UGGT2: variants seen among roughly 807,000 people sequenced by gnomAD.
The protein encoded by UGGT2 is UDP-glucose glycoprotein glucosyltransferase 2, also known as UDP-glucose:glycoprotein glucosyltransferase 2.
A neutral mutation model predicts 192.1 loss-of-function variants in UGGT2; 180 were observed. The ratio of observed to expected loss-of-function variants is 0.94; its 90% confidence interval spans 0.83 to 1.06. The LOEUF (loss-of-function observed/expected upper bound fraction) is 1.06. UGGT2 is among the 50% of genes least tolerant of loss of function. The probability of loss-of-function intolerance (pLI) is 0.00; values close to 1 mark genes in which losing one functional copy is unlikely to be tolerated. For synonymous variants in UGGT2, 580 were observed against 591.0 expected (o/e 0.98, Z 0.27); for missense variants, 1,849 against 1,795.7 (o/e 1.03, Z -0.54).
chr13:95,862,081 T>C (rs1044110217), intron 31 of UGGT2, among the ~76,000 whole-genome samples: 1 of 152,188 alleles, frequency 6.6e-6, no homozygotes, highest in African/African-American at 2.4e-5. Flanking sequence ...TTCTATTTCA[T>C]TATCCCCTGT....
intron 5 of UGGT2, among the ~76,000 whole-genome samples, chr13:96,000,825 AG>A (rs1252080523): frequency 6.6e-6 from 1 of 152,012 alleles, no homozygotes; most frequent in Non-Finnish European, 1.5e-5. Flanking sequence ...AGTTTTAGTA[AG>A]TTTGGATTTG....
At chr13:95,867,810 AAGG>A (rs1566612041) in intron 29 of UGGT2, among the ~76,000 whole-genome samples, 1 of 152,164 alleles carries the variant, frequency 6.6e-6, no homozygotes, top group Admixed American at 6.6e-5. Flanking sequence ...TTATATTTCA[AAGG>A]AGTTCTACAC....
At chr13:95,867,922 T>G (rs1431686332) in intron 29 of UGGT2, among the ~76,000 whole-genome samples, 2 of 152,206 alleles carry the variant, frequency 1.3e-5, no homozygotes, top group Non-Finnish European at 2.9e-5. Context: ...GATGTCCATC[T>G]GCATCACCTG....
intron 3 of UGGT2, among the ~76,000 whole-genome samples, chr13:96,023,393 CTTCAT>C (rs2052571400): frequency 1.3e-5 from 2 of 152,074 alleles, no homozygotes; most frequent in East Asian, 1.9e-4. Context: ...TTTTATGATA[CTTCAT>C]TTCAATTATT....
In UGGT2 at chr13:95,890,744, C is replaced by T; in HGVS notation, c.2958+118G>A. ...TTTCATTTTCTACATTGAAATATGA[C>T]ACTCTATTAAAATGGTGAAGGATCA... On this transcript the variant is annotated intron_variant, in intron 25 of 38. Transcript: ENST00000376747. The T allele has an allele frequency of 6.7e-6, 5 of 750,352 alleles. 1 individual carries two copies. Among genetic ancestry groups the T allele is most frequent in the Admixed American group, 5.3e-5 (2 of 37,748 alleles). The allele number at this position is 750,352 out of a possible 1,614,324, so 46.5% of individuals were successfully genotyped here. A position where few individuals can be genotyped will look rare whatever the true frequency, so the allele number is the denominator to read the frequency against.
chr13:95,878,926 T>C (rs2047417174), intron 27 of UGGT2, among the ~76,000 whole-genome samples: 1 of 152,192 alleles, frequency 6.6e-6, no homozygotes, highest in Non-Finnish European at 1.5e-5. Flanking sequence ...AAAACTTTAG[T>C]TGAATTCTGA....
In UGGT2 at chr13:96,023,681, T is replaced by C. The variant is rs768317652; in HGVS notation, c.320A>G (p.Lys107Arg). 4 of 1,612,152 alleles carry C rather than the reference T, an allele frequency of 2.5e-6. No individual in the cohort carries two copies. The East Asian group carries it at 8.9e-5, about 36-fold the overall frequency. ...GTATGCCCTTATAGAGAAAGCAAAC[T>C]TTAAAAGGTTGATGTGTAAATTGTC... ...FLDNLHINLL[K>R]FAFSIRAYSP... Residue 107 changes from lysine to arginine, a missense_variant, in exon 3 of 39, where the codon AAG (lysine) becomes AGG (arginine). Transcript: ENST00000376747.
chr13:95,930,916 C>T (rs987583268), intron 17 of UGGT2, among the ~76,000 whole-genome samples: 4 of 152,090 alleles, frequency 2.6e-5, no homozygotes, highest in Admixed American at 6.6e-5. Context: ...AAAGGCAGCA[C>T]GGACCCAAAG....
At chr13:95,824,585 C>T (rs948494375) in intron 38 of UGGT2, among the ~76,000 whole-genome samples, 3 of 152,024 alleles carry the variant, frequency 2.0e-5, no homozygotes, top group Non-Finnish European at 4.4e-5. Context: ...ATTGTTGAAC[C>T]TTTCCATGGC....
chr13:95,913,584 A>C (rs1336054081), intron 20 of UGGT2, among the ~76,000 whole-genome samples: 1 of 152,220 alleles, frequency 6.6e-6, no homozygotes, highest in African/African-American at 2.4e-5. Flanking sequence ...AAGTCAGGAA[A>C]CAACAGATGC....
intron 2 of UGGT2, among the ~76,000 whole-genome samples, chr13:96,024,762 T>C (rs1449779338): frequency 2.0e-5 from 3 of 152,180 alleles, no homozygotes; most frequent in African/African-American, 7.2e-5. Context: ...GAAGAGCAGT[T>C]CCCTGTGGAT....
chr13:95,874,735 A>G (rs952603092), intron 29 of UGGT2, among the ~76,000 whole-genome samples: 1 of 149,932 alleles, frequency 6.7e-6, no homozygotes. Context: ...TCTGTTGCCC[A>G]GCCTGGAGTG....
intron 12 of UGGT2, among the ~76,000 whole-genome samples, chr13:95,953,387 C>G (rs1478360439): frequency 6.6e-6 from 1 of 152,188 alleles, no homozygotes; most frequent in African/African-American, 2.4e-5. Flanking sequence ...AGGGGACAGT[C>G]AGAACCTGCA....
rs188280182 is a variant in UGGT2 at position 95,846,101 on chromosome 13, C to T, written c.4284+7442G>A. The stretch of plus-strand genomic sequence containing the variant: ...CTGGGAGGTGGAGGTTGTAGGGAGC[C>T]GAGATCACGCCACTGCACTCCAGCC... On this transcript the variant is annotated intron_variant, in intron 36 of 38. Coordinates refer to ENST00000376747, the MANE Select transcript of UGGT2 (RefSeq NM_020121.4). Among the ~76,000 whole-genome samples, 1,183 of 152,254 alleles carry T rather than the reference C, an allele frequency of 7.8e-3. 7 individuals are homozygous for T. The highest frequency in any genetic ancestry group is 0.024 in the South Asian group (116 of 4,824).
rs966202573 is a variant in UGGT2 at position 95,936,909 on chromosome 13, T to C, written c.1977+15A>G. The C allele has an allele frequency of 1.7e-5, 26 of 1,498,526 alleles. No homozygotes were observed. The highest frequency in any genetic ancestry group is 2.3e-5 in the Non-Finnish European group (26 of 1,126,240). 92.8% of individuals were successfully genotyped at this position (1,498,526 alleles called of 1,614,324 possible). ...TAAATATTCATCATGTATTTTCTTA[T>C]AAATGCTTACCTACCAAAAAAACTT... On this transcript the variant is annotated intron_variant, in intron 17 of 38. Transcript: ENST00000376747.
chr13:95,955,278 T>C (rs529409298), intron 12 of UGGT2, among the ~76,000 whole-genome samples: 13 of 152,332 alleles, frequency 8.5e-5, no homozygotes, highest in African/African-American at 2.9e-4. Flanking sequence ...CAGGCTATGA[T>C]ACAGCTGCAA....
intron 1 of UGGT2, among the ~76,000 whole-genome samples, chr13:96,041,959 G>C (rs1175634263): frequency 6.6e-6 from 1 of 151,958 alleles, no homozygotes; most frequent in Non-Finnish European, 1.5e-5. Flanking sequence ...TGAAGACAAA[G>C]GGCATATACT....
At chr13:95,953,196 G>T (rs999881102) in intron 12 of UGGT2, among the ~76,000 whole-genome samples, 7 of 152,188 alleles carry the variant, frequency 4.6e-5, no homozygotes, top group Non-Finnish European at 7.3e-5. Flanking sequence ...TACCATCAAA[G>T]TGCAAAGCAA....
At chr13:96,038,590 G>T (rs1490417426) in intron 1 of UGGT2, among the ~76,000 whole-genome samples, 2 of 152,164 alleles carry the variant, frequency 1.3e-5, no homozygotes, top group East Asian at 3.9e-4. Context: ...GTGGATTCAT[G>T]AATCACAGGT....
Sources: gnomAD v4.1 joint callset for allele counts (sites outside exome capture counted in the v4.1 genomes callset) on GRCh38, gnomAD v4.1.1 for gene constraint, MANE v1.5 for transcripts, NCBI Gene and HGNC (gene_info 2026-07-23, HGNC 2026-07-21) for gene names.